PCDHA6: variants seen among roughly 807,000 people sequenced by gnomAD.
PCDHA6 encodes protocadherin alpha-6.
PCDHA6 carries 55 observed loss-of-function variants against 60.3 expected under a neutral mutation model. The ratio of observed to expected loss-of-function variants is 0.91; its 90% CI spans 0.73 to 1.14. The LOEUF is 1.14. Among genes scored for constraint, PCDHA6 ranks in the 50% most tolerant of loss-of-function variants. PCDHA6 has a pLI of 0.00. For synonymous variants in PCDHA6, 652 were observed against 557.9 expected, an observed-to-expected ratio of 1.17 and a Z score of -2.38; for missense variants, 1,327 against 1,256.5, an observed-to-expected ratio of 1.06 and a Z score of -0.85.
At chr5:140,993,958 G>A (rs782075870) in intron 3 of PCDHA6, among the ~76,000 whole-genome samples, 1 of 152,162 alleles carries the variant, frequency 6.6e-6, no homozygotes, top group Non-Finnish European at 1.5e-5. Context: ...ATACATGACT[G>A]TAGTCATCAT....
intron 2 of PCDHA6, among the ~76,000 whole-genome samples, chr5:140,981,822 G>A (rs1229465317): frequency 6.6e-6 from 1 of 151,926 alleles, no homozygotes; most frequent in Non-Finnish European, 1.5e-5. Flanking sequence ...ATCTCTGCTT[G>A]CCTCTAAAGG....
chr5:140,976,505 C>A (rs538128648), intron 1 of PCDHA6, among the ~76,000 whole-genome samples: 1 of 152,004 alleles, frequency 6.6e-6, no homozygotes, highest in Non-Finnish European at 1.5e-5. Flanking sequence ...GAGCCAAGAT[C>A]GCGCCACTGC....
intron 1 of PCDHA6, among the ~76,000 whole-genome samples, chr5:140,959,996 A>T (rs1042631849): frequency 3.3e-5 from 5 of 152,228 alleles, no homozygotes; most frequent in Admixed American, 6.5e-5. Context: ...GATATGAAAT[A>T]CAAATCTATT....
At chr5:140,910,213 G>C (rs1375224674) in intron 1 of PCDHA6, among the ~76,000 whole-genome samples, 1 of 152,170 alleles carries the variant, frequency 6.6e-6, no homozygotes, top group African/African-American at 2.4e-5. Flanking sequence ...TGACCTGGAA[G>C]TTTTCTGCTT....
chr5:140,926,827 C>G, intron 1 of PCDHA6: 1 of 1,500,674 alleles, frequency 6.7e-7, no homozygotes, highest in Non-Finnish European at 8.9e-7. Context: ...CTCCAGGAGT[C>G]CGGAGCATGG....
At chr5:140,862,318 A>G in intron 1 of PCDHA6, 1 of 317,904 alleles carries the variant, frequency 3.1e-6, no homozygotes, top group South Asian at 2.8e-5. Context: ...TCATAGCCCT[A>G]ATCAGTGTAA....
intron 1 of PCDHA6, chr5:140,862,735 G>T: frequency 1.7e-6 from 1 of 574,782 alleles, no homozygotes. Flanking sequence ...GTCTAGCTAT[G>T]TGTGGGTGCA....
chr5:141,003,406 G>A (rs2098122557), intron 3 of PCDHA6, among the ~76,000 whole-genome samples: 1 of 152,134 alleles, frequency 6.6e-6, no homozygotes, highest in African/African-American at 2.4e-5. Flanking sequence ...CCGCCTCCCG[G>A]GTTCGAGTGA....
At chr5:140,866,540 C>T (rs920003585) in intron 1 of PCDHA6, 4 of 152,134 alleles carry the variant, frequency 2.6e-5, no homozygotes, top group Admixed American at 2.6e-4. Context: ...GAATTAGCAT[C>T]ACGGAATAAA....
At chr5:140,970,135 G>C (rs1317802980) in intron 1 of PCDHA6, among the ~76,000 whole-genome samples, 1 of 152,016 alleles carries the variant, frequency 6.6e-6, no homozygotes, top group Non-Finnish European at 1.5e-5. Context: ...GAAGAGAAGG[G>C]AAAAAGAATT....
intron 1 of PCDHA6, chr5:140,927,510 G>A: frequency 1.9e-6 from 3 of 1,614,090 alleles, no homozygotes; most frequent in Non-Finnish European, 2.5e-6. Flanking sequence ...TTACAGCTCG[G>A]GACGGCGGGC....
At chr5:140,982,380 C>A in intron 2 of PCDHA6, 95 bp from the exon 3 acceptor site, 1 of 1,577,206 alleles carries the variant, frequency 6.3e-7, no homozygotes, top group South Asian at 1.2e-5. Context: ...AGCTGCAGCC[C>A]TGGCTTCATA....
In PCDHA6 at chr5:140,830,208, C is replaced by T. The variant is rs2150182754; in HGVS notation, c.2117C>T (p.Ala706Val). The T allele has an allele frequency of 2.0e-5, 32 of 1,613,688 alleles. No homozygotes were observed. Among genetic ancestry groups the T allele is most frequent in the Non-Finnish European group, 2.6e-5 (31 of 1,179,904 alleles). Residue 706 changes from alanine to valine, a missense_variant, in exon 1 of 4, where the codon GCG becomes GTG. Ala to Val is a moderately conservative substitution (Grantham distance 64, BLOSUM62 0). Coordinates refer to ENST00000529310, the MANE Select transcript of PCDHA6 (RefSeq NM_018909.4). ...GTGTACCTGATCATCGCCATCTGCGCGGTATCCAGCCTGCTGGTCCTCACG... is the reference window on the plus strand; with the variant it reads ...GTGTACCTGATCATCGCCATCTGCGTGGTATCCAGCCTGCTGGTCCTCACG... ...VNVYLIIAICAVSSLLVLTLL... is the reference protein window; with the variant it reads ...VNVYLIIAICVVSSLLVLTLL...
At chr5:140,966,416 A>T in intron 1 of PCDHA6, 1 of 419,730 alleles carries the variant, frequency 2.4e-6, no homozygotes, top group Non-Finnish European at 4.1e-6. Context: ...TCAGAGCAGG[A>T]CTTGCTGAGC....
intron 3 of PCDHA6, among the ~76,000 whole-genome samples, chr5:140,985,922 G>A (rs1361292887): frequency 6.6e-6 from 1 of 151,826 alleles, no homozygotes; most frequent in African/African-American, 2.4e-5. Flanking sequence ...TGTATTTTTA[G>A]TAGAGCCGGG....
At chr5:140,868,157 G>C (rs1380314181) in intron 1 of PCDHA6, 1 of 151,956 alleles carries the variant, frequency 6.6e-6, no homozygotes, top group Non-Finnish European at 1.5e-5. Flanking sequence ...GTTACATAAA[G>C]TGCTAAATTT....
chr5:140,967,192 C>T (rs2096111456), intron 1 of PCDHA6: 1 of 1,613,408 alleles, frequency 6.2e-7, no homozygotes, highest in South Asian at 1.1e-5. Context: ...TGGACATCAA[C>T]GACAACTCAC....
At chr5:140,869,258 TG>T in intron 1 of PCDHA6, 1 of 1,613,558 alleles carries the variant, frequency 6.2e-7, no homozygotes, top group Non-Finnish European at 8.5e-7. Context: ...GCGCAGGACC[TG>T]GGGCTGGAGC....
chr5:140,961,564 T>A (rs2095622037), intron 1 of PCDHA6, among the ~76,000 whole-genome samples: 1 of 152,208 alleles, frequency 6.6e-6, no homozygotes, highest in African/African-American at 2.4e-5. Flanking sequence ...TTTTAAATTT[T>A]GTTTTGATAA....
Sources: gnomAD v4.1 joint callset for allele counts (sites outside exome capture counted in the v4.1 genomes callset) on GRCh38, gnomAD v4.1.1 for gene constraint, MANE v1.5 for transcripts, NCBI Gene and HGNC (gene_info 2026-07-23, HGNC 2026-07-21) for gene names.